The following SSBP3 variants were observed in gnomAD, a reference collection of about 807,000 sequenced individuals.
The protein encoded by SSBP3 is single stranded DNA binding protein 3.
In SSBP3, 5 loss-of-function variants were observed where a neutral mutation model predicts 69.6. The observed-to-expected ratio is 0.07, with a 90% CI of 0.04 to 0.15. The LOEUF (loss-of-function observed/expected upper bound fraction) is 0.15, where lower values mean the gene tolerates loss of function less well. Among genes scored for constraint, SSBP3 ranks in the 10% least tolerant of loss-of-function variants. The pLI is 1.00. For missense variants in SSBP3, 312 were observed against 534.0 expected (o/e 0.58, Z 4.10); for synonymous variants, 196 against 193.4 (o/e 1.01, Z -0.11).
At chr1:54,408,726 C>T (rs926032110), upstream of SSBP3, among the ~76,000 whole-genome samples, 24 of 152,200 alleles carry the variant, frequency 1.6e-4, no homozygotes, top group African/African-American at 5.3e-4. Context: ...TTAAAATTTC[C>T]CTCCTATATT....
chr1:54,408,983 A>G (rs1217782057), upstream of SSBP3, among the ~76,000 whole-genome samples: 1 of 152,166 alleles, frequency 6.6e-6, no homozygotes, highest in Non-Finnish European at 1.5e-5. Flanking sequence ...CCTGCTGGCT[A>G]GAAGATTGCT....
chr1:54,346,611 G>A (rs1282619296), intron 4 of SSBP3, among the ~76,000 whole-genome samples: 2 of 151,974 alleles, frequency 1.3e-5, no homozygotes, highest in Admixed American at 6.6e-5. Context: ...TCAGGAGATC[G>A]AGACCATCCT....
chr1:54,263,098 T>G (rs1645043075), intron 5 of SSBP3, among the ~76,000 whole-genome samples: 1 of 152,172 alleles, frequency 6.6e-6, no homozygotes, highest in Admixed American at 6.5e-5. Flanking sequence ...GGCTCTGTTA[T>G]GGGTGTGATC....
At chr1:54,256,351 G>A (rs1283551568) in intron 7 of SSBP3, among the ~76,000 whole-genome samples, 1 of 152,064 alleles carries the variant, frequency 6.6e-6, no homozygotes, top group Non-Finnish European at 1.5e-5. Context: ...GATGTTTCTC[G>A]AAAAGTTTCT....
intron 14 of SSBP3, among the ~76,000 whole-genome samples, chr1:54,232,604 C>T (rs376956007): frequency 1.2e-4 from 18 of 152,248 alleles, no homozygotes; most frequent in African/African-American, 3.1e-4. Flanking sequence ...CCTCTCCCCA[C>T]GGTCTCCCTC....
intron 9 of SSBP3, among the ~76,000 whole-genome samples, chr1:54,249,631 C>A (rs375068035): frequency 2.0e-5 from 3 of 151,474 alleles, no homozygotes; most frequent in East Asian, 1.9e-4. Flanking sequence ...CCACTGCACT[C>A]CAGCCTGGGT....
intron 4 of SSBP3, among the ~76,000 whole-genome samples, chr1:54,352,375 T>A (rs927319601): frequency 6.6e-6 from 1 of 152,156 alleles, no homozygotes; most frequent in Non-Finnish European, 1.5e-5. Context: ...GCCAAATGGA[T>A]CCAAACTTCT....
chr1:54,276,969 C>T (rs996123158), intron 5 of SSBP3, among the ~76,000 whole-genome samples: 2 of 152,174 alleles, frequency 1.3e-5, no homozygotes, highest in South Asian at 2.1e-4. Flanking sequence ...TGTCCTGCCA[C>T]AGGGGATGGG....
At chr1:54,265,643 C>A (rs1241594627) in intron 5 of SSBP3, among the ~76,000 whole-genome samples, 1 of 152,168 alleles carries the variant, frequency 6.6e-6, no homozygotes, top group Non-Finnish European at 1.5e-5. Flanking sequence ...TGGTGTGGAC[C>A]ATCTTCCTGG....
intron 4 of SSBP3, among the ~76,000 whole-genome samples, chr1:54,360,344 T>TC (rs1646931009): frequency 6.6e-6 from 1 of 152,244 alleles, no homozygotes; most frequent in South Asian, 2.1e-4. Context: ...TTCATTGCTT[T>TC]ATCATGTGTT....
chr1:54,371,076 C>G (rs547584871), intron 4 of SSBP3, among the ~76,000 whole-genome samples: 2 of 152,280 alleles, frequency 1.3e-5, no homozygotes, highest in African/African-American at 4.8e-5. Context: ...TGCCAGAAGA[C>G]CACCCAAGGG....
At chr1:54,348,721 G>A (rs1266794258) in intron 4 of SSBP3, among the ~76,000 whole-genome samples, 1 of 152,234 alleles carries the variant, frequency 6.6e-6, no homozygotes, top group Non-Finnish European at 1.5e-5. Context: ...GGGCAGCGGG[G>A]CAGATGCATC....
chr1:54,396,193 G>GGAAAA (rs1168912041), intron 4 of SSBP3, among the ~76,000 whole-genome samples: 1 of 40,564 alleles, frequency 2.5e-5, no homozygotes, highest in African/African-American at 9.6e-5. Context: ...CTCCATCTCA[G>GGAAAA]AAAAAAAAAA....
intron 9 of SSBP3, among the ~76,000 whole-genome samples, chr1:54,248,674 C>A (rs1248931296): frequency 6.6e-6 from 1 of 152,134 alleles, no homozygotes; most frequent in Admixed American, 6.6e-5. Flanking sequence ...GACCACAGAC[C>A]CTGTAATCCA....
At chr1:54,267,522 T>C (rs928670728) in intron 5 of SSBP3, among the ~76,000 whole-genome samples, 12 of 152,190 alleles carry the variant, frequency 7.9e-5, no homozygotes, top group African/African-American at 2.7e-4. Flanking sequence ...AACAGTCACA[T>C]TTAGGCAGGA....
At chr1:54,311,466 G>A (rs1029968623) in intron 4 of SSBP3, among the ~76,000 whole-genome samples, 1 of 152,194 alleles carries the variant, frequency 6.6e-6, no homozygotes, top group Admixed American at 6.5e-5. Flanking sequence ...AGGACCTGTC[G>A]TGAGGCTCCT....
chr1:54,240,659 A>G (rs771138227), intron 13 of SSBP3, among the ~76,000 whole-genome samples: 2 of 152,068 alleles, frequency 1.3e-5, no homozygotes, highest in Non-Finnish European at 2.9e-5. Flanking sequence ...AAGGGATTCA[A>G]AGGCAACGAG....
intron 4 of SSBP3, among the ~76,000 whole-genome samples, chr1:54,324,181 C>T (rs1289144216): frequency 6.6e-6 from 1 of 152,202 alleles, no homozygotes; most frequent in Non-Finnish European, 1.5e-5. Context: ...ACAGGATCTT[C>T]TTCCAAAAGG....
rs572455517 is a variant in SSBP3, at chr1:54,401,586, A to G, written c.276+275T>C. Among the ~76,000 whole-genome samples, 179 of 152,342 alleles carry G rather than the reference A, an allele frequency of 1.2e-3. 1 individual carries two copies. Among genetic ancestry groups the G allele is most frequent in the Middle Eastern group, 3.4e-3 (1 of 294 alleles). ...TGTCCACTCTTAACATAAGTCTCAC[A>G]GTTCTGAGTCCTGTACAACACCATT... On this transcript the variant is annotated intron_variant, in intron 4 of 17. Transcript: ENST00000610401.
Sources: allele counts gnomAD v4.1 joint callset (sites outside exome capture counted in the v4.1 genomes callset), GRCh38; gene constraint gnomAD v4.1.1; transcripts MANE v1.5; gene names NCBI Gene and HGNC (gene_info 2026-07-23, HGNC 2026-07-21).